The following ANK3 variants were observed in gnomAD, a reference collection of about 807,000 sequenced individuals.
ANK3 encodes ankyrin-3.
Under a neutral mutation model 370.9 loss-of-function variants are expected in ANK3, and 57 were observed. That is an observed-to-expected ratio of 0.15 (90% CI 0.12 to 0.19). ANK3 has a LOEUF of 0.19. Among genes scored for constraint, ANK3 ranks in the 10% least tolerant of loss-of-function variants. ANK3 has a pLI of 1.00. For missense variants in ANK3, 4,439 were observed against 5,302.1 expected (o/e 0.84, Z 5.06); for synonymous variants, 1,929 against 1,946.3 (o/e 0.99, Z 0.23).
chr10:60,424,727 G>A (rs894410307), intron 2 of ANK3, among the ~76,000 whole-genome samples: 2 of 152,006 alleles, frequency 1.3e-5, no homozygotes, highest in Non-Finnish European at 2.9e-5. Context: ...CTCTGAAAAT[G>A]ATTTTTATCA....
intron 1 of ANK3, among the ~76,000 whole-genome samples, chr10:60,307,579 A>G (rs1486787876): frequency 4.0e-5 from 6 of 151,844 alleles, no homozygotes; most frequent in Non-Finnish European, 8.8e-5. Flanking sequence ...AGCTCAAGCA[A>G]TCCTCCTGCC....
rs188897924 is a variant in ANK3 at position 60,250,510 on chromosome 10, G to A, written c.798+11349C>T. Reference sequence around the variant, plus strand: ...CTCCCCAGTAGCTGGGACTACAGGTGCCTGCCACCACGCCCAGCTAATTTT... The same window carrying A: ...CTCCCCAGTAGCTGGGACTACAGGTACCTGCCACCACGCCCAGCTAATTTT... On this transcript the variant is annotated intron_variant, in intron 7 of 43. Coordinates refer to ENST00000280772, the MANE Select transcript of ANK3 (RefSeq NM_020987.5). 3.7e-3 allele frequency among the ~76,000 whole-genome samples: 568 copies of A among 152,192 alleles called. 4 individuals carry two copies. The highest frequency in any genetic ancestry group is 0.028 in the Admixed American group (423 of 15,276).
intron 7 of ANK3, among the ~76,000 whole-genome samples, chr10:60,238,483 C>G (rs980081230): frequency 6.6e-6 from 1 of 152,084 alleles, no homozygotes; most frequent in Admixed American, 6.6e-5. Flanking sequence ...CAGCCTTGAA[C>G]CCAGACACAC....
chr10:60,706,667 A>C (rs1272282305), intron 1 of ANK3, among the ~76,000 whole-genome samples: 1 of 152,040 alleles, frequency 6.6e-6, no homozygotes, highest in Non-Finnish European at 1.5e-5. Flanking sequence ...ATTTTAGAGT[A>C]TAGTAGGGAT....
intron 43 of ANK3, among the ~76,000 whole-genome samples, chr10:60,038,752 A>G (rs1356954997): frequency 6.6e-6 from 1 of 152,138 alleles, no homozygotes; most frequent in Non-Finnish European, 1.5e-5. Context: ...CTCACCTAAC[A>G]TATTTGAAGA....
At chr10:60,647,904 G>T (rs1440626862) in intron 1 of ANK3, among the ~76,000 whole-genome samples, 1 of 150,068 alleles carries the variant, frequency 6.7e-6, no homozygotes, top group African/African-American at 2.5e-5. Flanking sequence ...CTGGAGTGCA[G>T]TGGCGCGATC....
intron 2 of ANK3, among the ~76,000 whole-genome samples, chr10:60,402,057 G>T (rs1174142028): frequency 6.6e-6 from 1 of 152,098 alleles, no homozygotes; most frequent in African/African-American, 2.4e-5. Flanking sequence ...TATTATCTAT[G>T]CTATGTTTCA....
chr10:60,690,714 T>C (rs1186209039), intron 1 of ANK3, among the ~76,000 whole-genome samples: 1 of 152,222 alleles, frequency 6.6e-6, no homozygotes, highest in South Asian at 2.1e-4. Flanking sequence ...AACCAAAAAA[T>C]AGTTAATACA....
At chr10:60,474,297 A>G (rs182116000) in intron 2 of ANK3, among the ~76,000 whole-genome samples, 6 of 152,304 alleles carry the variant, frequency 3.9e-5, no homozygotes, top group Admixed American at 1.3e-4. Context: ...GGACATGCTC[A>G]AACTTTATGG....
chr10:60,260,713 G>T (rs2097791253), intron 7 of ANK3, among the ~76,000 whole-genome samples: 1 of 152,074 alleles, frequency 6.6e-6, no homozygotes, highest in African/African-American at 2.4e-5. Flanking sequence ...ATTTAAAAGT[G>T]TACAGCACCA....
intron 2 of ANK3, among the ~76,000 whole-genome samples, chr10:60,498,984 ATCT>A (rs2075728622): frequency 6.6e-6 from 1 of 152,216 alleles, no homozygotes; most frequent in African/African-American, 2.4e-5. Context: ...CAGTCACATT[ATCT>A]TCTCACAGTA....
rs575838549 is a variant in ANK3, at chr10:60,462,772, T to A, written c.96+152414A>T. Reference sequence around the variant, plus strand: ...GAGATTCCAACTTAATTGGCTGGAGTGATGCCCAGGCATTGAAATTTCTTA... The same window carrying A: ...GAGATTCCAACTTAATTGGCTGGAGAGATGCCCAGGCATTGAAATTTCTTA... On this transcript the variant is annotated intron_variant, in intron 2 of 43. Transcript: ENST00000373827. Among the ~76,000 whole-genome samples, 4 of 151,900 alleles carry A rather than the reference T, an allele frequency of 2.6e-5. No individual in the cohort carries two copies. The South Asian group carries it at 8.4e-4, about 32-fold the overall frequency.
chr10:60,158,477 G>C (rs1419700756), intron 23 of ANK3, among the ~76,000 whole-genome samples: 1 of 152,088 alleles, frequency 6.6e-6, no homozygotes, highest in Non-Finnish European at 1.5e-5. Context: ...CAAAAAGTGG[G>C]GAGGATGAAG....
chr10:60,284,292 A>C (rs2132723171), intron 1 of ANK3, among the ~76,000 whole-genome samples: 2 of 152,292 alleles, frequency 1.3e-5, no homozygotes, highest in Middle Eastern at 6.8e-3. Flanking sequence ...TTCTGGCTCC[A>C]GAACTGTGAG....
chr10:60,086,395 A>G (rs2393597), intron 30 of ANK3: 271,210 of 271,872 alleles, frequency 1, 135,282 homozygotes, highest in East Asian at 1. Flanking sequence ...GCTCCAGTAG[A>G]TTCAATGATA....
chr10:60,049,635 C>G (rs1023164898), intron 42 of ANK3, among the ~76,000 whole-genome samples: 2 of 151,944 alleles, frequency 1.3e-5, no homozygotes, highest in Non-Finnish European at 2.9e-5. Context: ...TTTATGAAAC[C>G]TACAACATTA....
intron 17 of ANK3, among the ~76,000 whole-genome samples, chr10:60,186,345 G>GTCTC (rs9299439): frequency 0.53 from 61,884 of 117,436 alleles, 14,521 homozygotes; most frequent in East Asian, 0.74. Flanking sequence ...TTATCTTTCT[G>GTCTC]TCTTTTTTTT....
intron 1 of ANK3, among the ~76,000 whole-genome samples, chr10:60,649,483 T>C (rs2078758608): frequency 6.6e-6 from 1 of 152,164 alleles, no homozygotes; most frequent in Non-Finnish European, 1.5e-5. Flanking sequence ...GGGTAAGAAC[T>C]ATTATAAAAG....
chr10:60,175,217 C>T (rs1003148686), intron 18 of ANK3, among the ~76,000 whole-genome samples: 2 of 152,226 alleles, frequency 1.3e-5, no homozygotes, highest in African/African-American at 4.8e-5. Flanking sequence ...CACTGGTCTT[C>T]CTGCTGTTAC....
Sources: allele counts gnomAD v4.1 joint callset (sites outside exome capture counted in the v4.1 genomes callset), GRCh38; gene constraint gnomAD v4.1.1; transcripts MANE v1.5; gene names NCBI Gene and HGNC (gene_info 2026-07-23, HGNC 2026-07-21).